Variants in ARMC8 observed in about 807,000 individuals in gnomAD.
ARMC8 encodes armadillo repeat-containing protein 8.
In ARMC8, 20 loss-of-function variants were observed where a neutral mutation model predicts 99.3. The observed-to-expected ratio is 0.20, with a 90% CI of 0.14 to 0.29. ARMC8 has a LOEUF of 0.29. Ranked by LOEUF, ARMC8 falls within the 10% of genes least tolerant of loss-of-function variation. The pLI is 1.00. For synonymous variants in ARMC8, 263 were observed against 278.3 expected, an observed-to-expected ratio of 0.95 and a Z score of 0.55; for missense variants, 569 against 809.5, an observed-to-expected ratio of 0.70 and a Z score of 3.60.
At chr3:138,225,349 T>G (rs893563532) in intron 5 of ARMC8, among the ~76,000 whole-genome samples, 1 of 152,184 alleles carries the variant, frequency 6.6e-6, no homozygotes, top group Non-Finnish European at 1.5e-5. Flanking sequence ...GACCTCATGA[T>G]CTGCCCGCCT....
intron 12 of ARMC8, among the ~76,000 whole-genome samples, chr3:138,247,950 C>T (rs887619178): frequency 3.9e-5 from 6 of 152,168 alleles, no homozygotes; most frequent in Admixed American, 2.6e-4. Context: ...ATGCAGAAAT[C>T]GTACACAGAG....
chr3:138,245,980 A>T, intron 12 of ARMC8: 1 of 985,380 alleles, frequency 1.0e-6, no homozygotes, highest in Non-Finnish European at 1.2e-6. Flanking sequence ...TAGCAGAAAG[A>T]GCAAATTAGT....
intron 1 of ARMC8, chr3:138,188,402 T>A: frequency 6.6e-7 from 1 of 1,510,588 alleles, no homozygotes; most frequent in Non-Finnish European, 8.9e-7. Flanking sequence ...TAAAAAAAGT[T>A]TTTTTAAAGA....
chr3:138,289,246 C>A, intron 20 of ARMC8, 126 bp downstream of exon 20: 1 of 697,862 alleles, frequency 1.4e-6, no homozygotes, highest in Non-Finnish European at 2.4e-6. Context: ...CCCAAGCACC[C>A]TCTAGAGTTG....
rs2043119650 is a variant in ARMC8, at chr3:138,187,365, C to T, written c.-190C>T. ...CTGAGAGAACGATTCGTAGGACAGC[C>T]CCTGACGCCATTCCCTTTTGCCCTT... is the stretch of plus-strand genomic sequence containing the variant. On this transcript the variant is annotated 5_prime_UTR_variant, in exon 1 of 22. Coordinates refer to ENST00000469044, the MANE Select transcript of ARMC8 (RefSeq NM_001363941.2). 1 of 581,658 alleles carries T rather than the reference C, an allele frequency of 1.7e-6. No individual in the cohort carries two copies. The highest frequency in any genetic ancestry group is 3.1e-6 in the Non-Finnish European group (1 of 326,062). 36.0% of individuals were successfully genotyped at this position (581,658 alleles called of 1,614,324 possible).
rs2108377073 is a variant in ARMC8, at chr3:138,288,609, T to G, written c.1822-439T>G. On this transcript the variant is annotated intron_variant, in intron 19 of 21. Transcript: ENST00000469044. The stretch of plus-strand genomic sequence containing the variant: ...GTTAACTTCATGGCCCCTCAAGACA[T>G]TTGAGTTTGAGGACTCTTCTTCAGA... Among the ~76,000 whole-genome samples, 3 of 151,978 alleles carry G rather than the reference T, an allele frequency of 2.0e-5. No individual in the cohort carries two copies. The Middle Eastern group carries it at 0.01, about 517-fold the overall frequency.
At chr3:138,253,254 T>C (rs1415661344) in intron 12 of ARMC8, among the ~76,000 whole-genome samples, 3 of 152,170 alleles carry the variant, frequency 2.0e-5, no homozygotes, top group Non-Finnish European at 4.4e-5. Flanking sequence ...AACAGAAATA[T>C]AACTACTACC....
intron 1 of ARMC8, chr3:138,187,993 A>G: frequency 3.7e-6 from 1 of 269,124 alleles, no homozygotes; most frequent in Non-Finnish European, 7.1e-6. Context: ...AGCCGGCCTG[A>G]GAACGAGCGC....
At chr3:138,277,917 A>G (rs1162645090) in intron 18 of ARMC8, among the ~76,000 whole-genome samples, 1 of 152,234 alleles carries the variant, frequency 6.6e-6, no homozygotes, top group African/African-American at 2.4e-5. Flanking sequence ...CACAGTCACA[A>G]TAAAGAGGGA....
intron 5 of ARMC8, among the ~76,000 whole-genome samples, chr3:138,228,281 G>A (rs1016785660): frequency 6.6e-6 from 1 of 152,178 alleles, no homozygotes; most frequent in Non-Finnish European, 1.5e-5. Context: ...CTCCTGGCCT[G>A]CATTCTAAAT....
chr3:138,297,453 C>A lies in ARMC8; in HGVS notation c.*1561C>A, dbSNP rs1278776197. On this transcript the variant is annotated 3_prime_UTR_variant, in exon 22 of 22. Coordinates refer to ENST00000469044, the MANE Select transcript of ARMC8 (RefSeq NM_001363941.2). ...TCCAGAAGCTTGCGGTGAGTGTGTG[C>A]CACTGATGGAGCTCCAAGCCCACCC... The A allele has an allele frequency of 1.3e-5, 2 of 152,200 alleles. No homozygotes were observed. The highest frequency in any genetic ancestry group is 2.9e-5 in the Non-Finnish European group (2 of 68,048). 9.4% of individuals were successfully genotyped at this position (152,200 alleles called of 1,614,324 possible). A position where few individuals can be genotyped will look rare whatever the true frequency, so the allele number is the denominator to read the frequency against.
chr3:138,241,813 A>G lies in ARMC8; in HGVS notation c.868A>G (p.Lys290Glu), dbSNP rs2046640514. 1 of 1,614,046 alleles carries G rather than the reference A, an allele frequency of 6.2e-7. No homozygotes were observed. Among genetic ancestry groups the G allele is most frequent in the Non-Finnish European group, 8.5e-7 (1 of 1,179,978 alleles). ...TLPCLVRMCS[K>E]ERLLEERVEG... is the part of the protein sequence containing the mutation. The stretch of plus-strand genomic sequence containing the variant: ...ACCTTGTTTGGTTCGAATGTGCAGT[A>G]AGGAGAGATTACTAGAGGAGAGAGT... Residue 290 changes from lysine (K) to glutamate (E), a missense_variant, in exon 11 of 22, where the codon AAG (lysine) becomes GAG (glutamate). Lys to Glu is a moderately conservative substitution (Grantham distance 56). Transcript: ENST00000469044.
intron 14 of ARMC8, among the ~76,000 whole-genome samples, chr3:138,266,499 T>C (rs555941316): frequency 2.0e-5 from 3 of 152,328 alleles, no homozygotes; most frequent in South Asian, 4.1e-4. Context: ...AGTAGTCTTA[T>C]GTTTTTCATT....
In ARMC8 at chr3:138,295,851, G is replaced by C; in HGVS notation, c.1989-8G>C. 2 of 1,613,526 alleles carry C rather than the reference G, an allele frequency of 1.2e-6. No individual in the cohort carries two copies. The highest frequency in any genetic ancestry group is 1.7e-6 in the Non-Finnish European group (2 of 1,179,668). On this transcript the variant is annotated splice_region_variant and splice_polypyrimidine_tract_variant and intron_variant, in intron 21 of 21. Transcript: ENST00000469044. ...AGATGATGGCTAACAGGAATTTTGT[G>C]ATTTCAGGGCAAAGATGGCACTGCA...
At chr3:138,239,250 T>C in intron 9 of ARMC8, 1 of 433,446 alleles carries the variant, frequency 2.3e-6, no homozygotes, top group South Asian at 3.5e-5. Flanking sequence ...TCATTTTGTT[T>C]TTTTAAATAT....
intron 18 of ARMC8, among the ~76,000 whole-genome samples, chr3:138,275,837 T>C (rs1243222269): frequency 6.6e-6 from 1 of 152,230 alleles, no homozygotes; most frequent in East Asian, 1.9e-4. Context: ...GTGATATCTC[T>C]TAAAATTTTT....
chr3:138,196,832 A>C (rs984693159), intron 1 of ARMC8, among the ~76,000 whole-genome samples: 15 of 152,186 alleles, frequency 9.9e-5, no homozygotes, highest in African/African-American at 3.6e-4. Context: ...GCACCCTTGC[A>C]CTCCAGCTTG....
chr3:138,226,466 G>A (rs1254811519), intron 5 of ARMC8, among the ~76,000 whole-genome samples: 2 of 152,180 alleles, frequency 1.3e-5, no homozygotes, highest in African/African-American at 4.8e-5. Flanking sequence ...TTATGATCCA[G>A]TGAGTCTTGG....
At chr3:138,206,140 T>G (rs1242789733) in intron 1 of ARMC8, among the ~76,000 whole-genome samples, 1 of 152,228 alleles carries the variant, frequency 6.6e-6, no homozygotes, top group Non-Finnish European at 1.5e-5. Flanking sequence ...GATGCTAAAT[T>G]TTTATTGGAA....
Sources: gnomAD v4.1 joint callset for allele counts (sites outside exome capture counted in the v4.1 genomes callset) on GRCh38, gnomAD v4.1.1 for gene constraint, MANE v1.5 for transcripts, NCBI Gene and HGNC (gene_info 2026-07-23, HGNC 2026-07-21) for gene names.